OVCH1: variants seen among roughly 807,000 people sequenced by gnomAD.
OVCH1 encodes the protein ovochymase 1.
In OVCH1, 139 loss-of-function variants were observed where a neutral mutation model predicts 138.4. That is an observed-to-expected ratio of 1.00 (90% CI 0.87 to 1.16). The LOEUF (loss-of-function observed/expected upper bound fraction) is 1.16, where lower values mean the gene tolerates loss of function less well. Among genes scored for constraint, OVCH1 ranks in the 50% most tolerant of loss-of-function variants. The pLI is 0.00. For synonymous variants in OVCH1, 453 were observed against 467.8 expected (o/e 0.97, Z 0.41); for missense variants, 1,367 against 1,357.9 (o/e 1.01, Z -0.11).
rs185413785 is a variant in OVCH1, at chr12:29,443,161, C to G, written c.3157+200G>C. On this transcript the variant is annotated intron_variant, in intron 25 of 27. Transcript: ENST00000318184. ...GATCCATGTAAGAAACGTTGTTGGA[C>G]TTTGTTTTTAACTAAACCTGAGGAG... Among the ~76,000 whole-genome samples, 108 of 152,112 alleles carry G rather than the reference C, an allele frequency of 7.1e-4. 1 individual carries two copies. Among genetic ancestry groups the G allele is most frequent in the African/African-American group, 2.5e-3 (102 of 41,534 alleles).
At chr12:29,450,337 C>T (rs1183120983) in intron 22 of OVCH1, among the ~76,000 whole-genome samples, 1 of 151,974 alleles carries the variant, frequency 6.6e-6, no homozygotes, top group Non-Finnish European at 1.5e-5. Flanking sequence ...TAAATAATCC[C>T]ATCAAAAAGT....
chr12:29,497,399 G>A (rs184572393), intron 1 of OVCH1, among the ~76,000 whole-genome samples: 116 of 152,286 alleles, frequency 7.6e-4, no homozygotes, highest in African/African-American at 2.7e-3. Context: ...TAGCAGGTGT[G>A]CCTACAAACG....
rs753571780 is a variant in OVCH1 at position 29,486,381 on chromosome 12, C to A, written c.893-33G>T. On this transcript the variant is annotated intron_variant, in intron 7 of 27. Transcript: ENST00000318184. ...AGGTATAAGGAGTTAGTGCCTTTCC[C>A]AATAATAATCATTTAAATAAAACAT... 6 of 1,432,430 alleles carry A rather than the reference C, an allele frequency of 4.2e-6. No individual in the cohort carries two copies. The South Asian group carries it at 7.3e-5, about 17-fold the overall frequency. The allele number at this position is 1,432,430 out of a possible 1,614,324, so 88.7% of individuals were successfully genotyped here. A position where few individuals can be genotyped will look rare whatever the true frequency, so the allele number is the denominator to read the frequency against.
At chr12:29,449,210 C>T (rs1941704098) in intron 22 of OVCH1, among the ~76,000 whole-genome samples, 1 of 151,022 alleles carries the variant, frequency 6.6e-6, no homozygotes, top group South Asian at 2.1e-4. Context: ...TATATTCTTC[C>T]AGCATTCTGG....
At chr12:29,466,155 G>C (rs973597413) in intron 16 of OVCH1, among the ~76,000 whole-genome samples, 1 of 151,556 alleles carries the variant, frequency 6.6e-6, no homozygotes, top group Non-Finnish European at 1.5e-5. Flanking sequence ...TAAATGATAA[G>C]TTAATGGGTG....
intron 26 of OVCH1, among the ~76,000 whole-genome samples, chr12:29,436,172 T>TA (rs1205492647): frequency 6.6e-6 from 1 of 152,052 alleles, no homozygotes; most frequent in Non-Finnish European, 1.5e-5. Flanking sequence ...GACTAAGATT[T>TA]AGACTATTTT....
chr12:29,476,330 G>C, intron 12 of OVCH1, 31 bp from the exon 13 acceptor site: 5 of 1,539,598 alleles, frequency 3.2e-6, no homozygotes, highest in Non-Finnish European at 4.5e-6. Flanking sequence ...CCAGGGAAAT[G>C]GTCAAAGAAG....
In OVCH1 at chr12:29,496,130, T is replaced by A. The variant is rs527269597; in HGVS notation, c.281+51A>T. ...CTATTTAGAGCAACAAATCTGCCAG[T>A]CGCATAGCCAGGAATCAAGGCCTGA... is the stretch of plus-strand genomic sequence containing the variant. On this transcript the variant is annotated intron_variant, in intron 3 of 27. Coordinates refer to ENST00000318184, the Ensembl canonical transcript of OVCH1. 49 of 1,482,964 alleles carry A rather than the reference T, an allele frequency of 3.3e-5. 2 individuals carry two copies. The South Asian group carries it at 5.8e-4, about 18-fold the overall frequency. 91.9% of individuals were successfully genotyped at this position (1,482,964 alleles called of 1,614,324 possible).
At position 29,496,999 on chromosome 12, in the gene OVCH1, A is replaced by G. The variant is rs567529782; in HGVS notation, c.65-325T>C. Among the ~76,000 whole-genome samples the G allele has an allele frequency of 2.0e-5, 3 of 152,312 alleles. No individual in the cohort carries two copies. The East Asian group carries it at 5.8e-4, about 29-fold the overall frequency. ...GTTAAAGATACCAGGAGCCACATGC[A>G]GTGGTTCCCGCCTGTAATCCCAGCA... On this transcript the variant is annotated intron_variant, in intron 1 of 27. Coordinates refer to ENST00000318184, the Ensembl canonical transcript of OVCH1.
In OVCH1 at chr12:29,481,139, C is replaced by T. The variant is rs1292915352; in HGVS notation, c.996-2231G>A. ...GATGGTAGATCTGCACGAGTATTAA[C>T]CTGTAGTTCAAATTCTCAAATAATT... On this transcript the variant is annotated intron_variant, in intron 8 of 27. Coordinates refer to ENST00000318184, the Ensembl canonical transcript of OVCH1. Among the ~76,000 whole-genome samples, 4 of 152,018 alleles carry T rather than the reference C, an allele frequency of 2.6e-5. No individual in the cohort carries two copies. The South Asian group carries it at 6.2e-4, about 24-fold the overall frequency.
chr12:29,436,177 T>G (rs911020919), intron 26 of OVCH1, among the ~76,000 whole-genome samples: 3 of 152,060 alleles, frequency 2.0e-5, no homozygotes, highest in Non-Finnish European at 2.9e-5. Context: ...AGATTTAGAC[T>G]ATTTTCCATT....
At chr12:29,428,669 A>G (rs1394650112) in intron 27 of OVCH1, among the ~76,000 whole-genome samples, 2 of 152,168 alleles carry the variant, frequency 1.3e-5, no homozygotes, top group African/African-American at 2.4e-5. Context: ...TGGAACTTCA[A>G]AGCAAAATTC....
At chr12:29,405,037 AAAAAAAAAAAAAAAAAAAAC>A in the OVCH1 span, among the ~76,000 whole-genome samples, 8 of 145,296 alleles carry the variant, frequency 5.5e-5, 1 homozygote, top group Admixed American at 1.4e-4. Context: ...AAAAAAAAAA[AAAAAAAAAAAAAAAAAAAAC>A]AAAAGAAATG....
At chr12:29,451,277 T>C in intron 22 of OVCH1, 68 bp downstream of exon 22, 1 of 1,299,420 alleles carries the variant, frequency 7.7e-7, no homozygotes, top group Admixed American at 2.0e-5. Flanking sequence ...TCAGACTCAT[T>C]CCTGATCATA....
downstream of OVCH1, among the ~76,000 whole-genome samples, chr12:29,408,304 T>C (rs1325684867): frequency 8.0e-6 from 1 of 125,384 alleles, no homozygotes; most frequent in Non-Finnish European, 1.9e-5. Context: ...TTTATTTCCT[T>C]CTCCTACCTA....
At chr12:29,436,577 AT>A (rs925169701) in intron 26 of OVCH1, among the ~76,000 whole-genome samples, 1 of 152,102 alleles carries the variant, frequency 6.6e-6, no homozygotes, top group Non-Finnish European at 1.5e-5. Context: ...AGCCGCAGAC[AT>A]TTGCGGCGAG....
At chr12:29,450,059 A>G (rs1941738659) in intron 22 of OVCH1, among the ~76,000 whole-genome samples, 1 of 152,206 alleles carries the variant, frequency 6.6e-6, no homozygotes, top group South Asian at 2.1e-4. Flanking sequence ...AAAACCCTAA[A>G]AACCCTAGAA....
chr12:29,454,102 AG>A (rs1337289160), intron 21 of OVCH1, among the ~76,000 whole-genome samples: 1 of 152,100 alleles, frequency 6.6e-6, no homozygotes, highest in African/African-American at 2.4e-5. Context: ...CGGTGCCTCA[AG>A]ATCCTGCCTT....
At chr12:29,494,472 G>C (rs760164360) in intron 4 of OVCH1, among the ~76,000 whole-genome samples, 3 of 152,082 alleles carry the variant, frequency 2.0e-5, no homozygotes, top group Non-Finnish European at 4.4e-5. Context: ...CAAATGTTTC[G>C]AGCTTTTTTG....
Sources: allele counts gnomAD v4.1 joint callset (sites outside exome capture counted in the v4.1 genomes callset), GRCh38; gene constraint gnomAD v4.1.1; transcripts MANE v1.5; gene names NCBI Gene and HGNC (gene_info 2026-07-23, HGNC 2026-07-21).